SLC35F1: variants seen among roughly 807,000 people sequenced by gnomAD.
SLC35F1 encodes the protein chromosome 6 open reading frame 169.
Under a neutral mutation model 48.7 loss-of-function variants are expected in SLC35F1, and 14 were observed. The observed-to-expected ratio is 0.29, with a 90% CI of 0.19 to 0.45. The LOEUF is 0.45. SLC35F1 is among the 20% of genes least tolerant of loss of function. The pLI is 1.00. For missense variants in SLC35F1, 404 were observed against 500.0 expected, an observed-to-expected ratio of 0.81 and a Z score of 1.83; for synonymous variants, 190 against 202.2, an observed-to-expected ratio of 0.94 and a Z score of 0.51.
intron 2 of SLC35F1, among the ~76,000 whole-genome samples, chr6:118,165,040 A>C (rs1774297327): frequency 6.6e-6 from 1 of 152,128 alleles, no homozygotes; most frequent in Non-Finnish European, 1.5e-5. Flanking sequence ...AGGAACCCCA[A>C]ATCTTTGTTC....
At chr6:118,157,170 A>G (rs1774156858) in intron 2 of SLC35F1, among the ~76,000 whole-genome samples, 1 of 152,180 alleles carries the variant, frequency 6.6e-6, no homozygotes, top group South Asian at 2.1e-4. Flanking sequence ...TAGGAGAGCA[A>G]GGAGTAGAGG....
intron 7 of SLC35F1, among the ~76,000 whole-genome samples, chr6:118,287,001 C>T (rs1362917479): frequency 6.6e-6 from 1 of 152,104 alleles, no homozygotes; most frequent in Non-Finnish European, 1.5e-5. Context: ...AGCCTTTTGC[C>T]CAATACAGTG....
intron 1 of SLC35F1, among the ~76,000 whole-genome samples, chr6:117,992,333 A>T (rs1776929746): frequency 6.6e-6 from 1 of 152,182 alleles, no homozygotes; most frequent in African/African-American, 2.4e-5. Context: ...ATCAACCAAA[A>T]ATCGTTATGA....
chr6:118,121,731 C>G (rs1773555466), intron 1 of SLC35F1, among the ~76,000 whole-genome samples: 1 of 152,156 alleles, frequency 6.6e-6, no homozygotes, highest in Non-Finnish European at 1.5e-5. Flanking sequence ...TTTGTATGGT[C>G]TCCCAAGTTC....
chr6:117,910,148 A>T (rs1159980878), intron 1 of SLC35F1, among the ~76,000 whole-genome samples: 1 of 152,242 alleles, frequency 6.6e-6, no homozygotes, highest in African/African-American at 2.4e-5. Context: ...TTTATTTAGC[A>T]TGCTGATGGG....
chr6:118,126,119 C>T (rs1773620757), intron 1 of SLC35F1, among the ~76,000 whole-genome samples: 1 of 152,182 alleles, frequency 6.6e-6, no homozygotes, highest in East Asian at 1.9e-4. Flanking sequence ...TCAAAGATGA[C>T]AGCCCCAGCA....
Position 118,039,799 on chromosome 6 carries a change from G to GTTTTTTTTTTT in SLC35F1, c.174-114638_174-114637insTTTTTTTTTTT, listed in dbSNP as rs149879230. On this transcript the variant is annotated intron_variant, in intron 1 of 7. Transcript: ENST00000360388. The stretch of plus-strand genomic sequence containing the variant: ...TTTAACATCTAAGCATCTCAGGATT[G>GTTTTTTTTTTT]TTTTTTTTGTTTTTTTTTTTTGCTT... 4.3e-3 allele frequency among the ~76,000 whole-genome samples: 458 copies of GTTTTTTTTTTT among 106,596 alleles called. 60 individuals are homozygous for GTTTTTTTTTTT. Among genetic ancestry groups the GTTTTTTTTTTT allele is most frequent in the Non-Finnish European group, 4.9e-3 (249 of 50,894 alleles). 69.9% of individuals were successfully genotyped at this position (106,596 alleles called of 152,430 possible). A position where few individuals can be genotyped will look rare whatever the true frequency, so the allele number is the denominator to read the frequency against.
At chr6:117,986,439 C>T (rs1776848734) in intron 1 of SLC35F1, among the ~76,000 whole-genome samples, 1 of 152,184 alleles carries the variant, frequency 6.6e-6, no homozygotes, top group Admixed American at 6.5e-5. Context: ...TCTTACTTAA[C>T]TCGGAAAAAC....
intron 2 of SLC35F1, among the ~76,000 whole-genome samples, chr6:118,189,007 G>A (rs996046774): frequency 2.6e-5 from 4 of 152,206 alleles, no homozygotes; most frequent in South Asian, 2.1e-4. Context: ...GACCTCCTGG[G>A]CTCGAGCAAT....
At chr6:118,243,321 G>T (rs1775464498) in intron 3 of SLC35F1, among the ~76,000 whole-genome samples, 1 of 152,132 alleles carries the variant, frequency 6.6e-6, no homozygotes, top group African/African-American at 2.4e-5. Context: ...TATTGATTAA[G>T]AAATGCCCTA....
intron 1 of SLC35F1, among the ~76,000 whole-genome samples, chr6:118,119,499 C>CT (rs1554229004): frequency 2.7e-5 from 2 of 74,562 alleles, no homozygotes; most frequent in Non-Finnish European, 4.9e-5. Context: ...CCGGCGCCCC[C>CT]CCTCCACCCC....
intron 3 of SLC35F1, among the ~76,000 whole-genome samples, chr6:118,238,927 A>G (rs1351191518): frequency 6.6e-6 from 1 of 152,032 alleles, no homozygotes; most frequent in African/African-American, 2.4e-5. Flanking sequence ...GGTGGGATCA[A>G]CGCCATCCGG....
intron 3 of SLC35F1, among the ~76,000 whole-genome samples, chr6:118,259,090 AT>A (rs1775681137): frequency 6.6e-6 from 1 of 151,690 alleles, no homozygotes; most frequent in Non-Finnish European, 1.5e-5. Flanking sequence ...TTAATAATAT[AT>A]AAAGATATTT....
intron 1 of SLC35F1, among the ~76,000 whole-genome samples, chr6:118,050,698 G>C (rs1253774718): frequency 6.6e-6 from 1 of 152,138 alleles, no homozygotes; most frequent in East Asian, 1.9e-4. Flanking sequence ...AGGGGAATGG[G>C]GACTAGCAGA....
At chr6:118,208,299 A>G (rs1034990440) in intron 2 of SLC35F1, among the ~76,000 whole-genome samples, 1 of 152,156 alleles carries the variant, frequency 6.6e-6, no homozygotes, top group Non-Finnish European at 1.5e-5. Flanking sequence ...CCAGTTCTTT[A>G]TGTTCCATTC....
At chr6:118,139,197 C>T (rs1773845555) in intron 1 of SLC35F1, among the ~76,000 whole-genome samples, 1 of 152,156 alleles carries the variant, frequency 6.6e-6, no homozygotes, top group Non-Finnish European at 1.5e-5. Flanking sequence ...ACTGCAAGCT[C>T]CATCTCCCGG....
chr6:117,971,145 A>G (rs1776632359), intron 1 of SLC35F1, among the ~76,000 whole-genome samples: 1 of 152,172 alleles, frequency 6.6e-6, no homozygotes, highest in Non-Finnish European at 1.5e-5. Context: ...GGGTAAATAC[A>G]CCCATTCCAA....
intron 1 of SLC35F1, among the ~76,000 whole-genome samples, chr6:118,092,159 A>G (rs529122734): frequency 6.6e-6 from 1 of 152,206 alleles, no homozygotes; most frequent in Non-Finnish European, 1.5e-5. Context: ...AGACAGTGTG[A>G]AATATGTCTC....
chr6:118,195,221 G>T (rs1384700977), intron 2 of SLC35F1, among the ~76,000 whole-genome samples: 1 of 152,174 alleles, frequency 6.6e-6, no homozygotes, highest in East Asian at 1.9e-4. Context: ...CAGCCAATTG[G>T]TGCTGCCGTC....
Sources: gnomAD v4.1 joint callset for allele counts (sites outside exome capture counted in the v4.1 genomes callset) on GRCh38, gnomAD v4.1.1 for gene constraint, MANE v1.5 for transcripts, NCBI Gene and HGNC (gene_info 2026-07-23, HGNC 2026-07-21) for gene names.